The following CSMD1 variants were observed in gnomAD, a reference collection of about 807,000 sequenced individuals.
CSMD1 encodes the protein CUB and sushi domain-containing protein 1.
In CSMD1, 213 loss-of-function variants were observed where a neutral mutation model predicts 417.5. That is an observed-to-expected ratio of 0.51 (90% CI 0.46 to 0.57). The LOEUF is 0.57. CSMD1 is among the 20% of genes least tolerant of loss of function. The pLI, the probability that CSMD1 is intolerant of heterozygous loss-of-function variation, is 0.00. For synonymous variants in CSMD1, 2,862 were observed against 1,736.8 expected, an observed-to-expected ratio of 1.65 and a Z score of -16.11; for missense variants, 6,923 against 4,529.7, an observed-to-expected ratio of 1.53 and a Z score of -15.17.
intron 26 of CSMD1, among the ~76,000 whole-genome samples, chr8:3,247,223 C>T (rs1799938587): frequency 1.3e-5 from 2 of 152,142 alleles, no homozygotes; most frequent in Non-Finnish European, 2.9e-5. Context: ...TCATGCCTTC[C>T]TTGACAAATG....
intron 3 of CSMD1, among the ~76,000 whole-genome samples, chr8:4,088,543 C>G (rs532781900): frequency 2.6e-5 from 4 of 152,172 alleles, no homozygotes; most frequent in East Asian, 1.9e-4. Flanking sequence ...AAAACTAAAT[C>G]TCTCAAACCT....
intron 5 of CSMD1, among the ~76,000 whole-genome samples, chr8:3,957,204 C>G (rs561325196): frequency 2.0e-5 from 3 of 152,286 alleles, no homozygotes; most frequent in South Asian, 4.2e-4. Context: ...AAACATTTCT[C>G]AAAATGAGAA....
At chr8:3,875,717 G>C (rs1205728340) in intron 5 of CSMD1, among the ~76,000 whole-genome samples, 11 of 152,176 alleles carry the variant, frequency 7.2e-5, no homozygotes, top group South Asian at 2.1e-4. Flanking sequence ...ATCTTCTCGA[G>C]TGGATTGAGG....
At chr8:4,078,255 G>A (rs1397293349) in intron 3 of CSMD1, among the ~76,000 whole-genome samples, 1 of 150,306 alleles carries the variant, frequency 6.7e-6, no homozygotes, top group African/African-American at 2.4e-5. Context: ...TTACGTAATT[G>A]CACTATGCAT....
intron 57 of CSMD1, 41 bp from the exon 58 acceptor site, chr8:2,966,787 C>A (rs370639680): frequency 3.8e-6 from 6 of 1,593,888 alleles, no homozygotes; most frequent in African/African-American, 1.3e-5. Flanking sequence ...CAGTGAGTGA[C>A]CCAGCATGAA....
intron 67 of CSMD1, among the ~76,000 whole-genome samples, chr8:2,949,652 A>T (rs1003240404): frequency 2.1e-5 from 3 of 142,888 alleles, no homozygotes; most frequent in Admixed American, 7.3e-5. Context: ...CAATATATCC[A>T]TATGTTAACT....
chr8:3,524,123 A>T (rs1797647436), intron 10 of CSMD1, among the ~76,000 whole-genome samples: 1 of 145,742 alleles, frequency 6.9e-6, no homozygotes, highest in African/African-American at 2.7e-5. Flanking sequence ...ACATATGTGC[A>T]CATACATACA....
intron 1 of CSMD1, among the ~76,000 whole-genome samples, chr8:4,707,325 C>G (rs1808005507): frequency 6.6e-6 from 1 of 152,096 alleles, no homozygotes; most frequent in Non-Finnish European, 1.5e-5. Context: ...TTAATTTCTT[C>G]AAGATCACAA....
chr8:3,105,420 G>C (rs1816065837), intron 46 of CSMD1, among the ~76,000 whole-genome samples: 1 of 152,196 alleles, frequency 6.6e-6, no homozygotes, highest in Admixed American at 6.5e-5. Flanking sequence ...TTCTAATTAG[G>C]AAAGCTTTTG....
chr8:3,497,117 T>A (rs1398273893), intron 10 of CSMD1, among the ~76,000 whole-genome samples: 1 of 152,216 alleles, frequency 6.6e-6, no homozygotes, highest in Non-Finnish European at 1.5e-5. Context: ...ATGTGTATTA[T>A]GCAGCTGTTG....
At chr8:4,868,495 C>G (rs890619404) in intron 1 of CSMD1, among the ~76,000 whole-genome samples, 1 of 151,928 alleles carries the variant, frequency 6.6e-6, no homozygotes, top group Admixed American at 6.6e-5. Flanking sequence ...CTCGGTCTCC[C>G]AAAGTGCTAA....
At chr8:3,658,722 G>C (rs1211728732) in intron 7 of CSMD1, among the ~76,000 whole-genome samples, 2 of 152,108 alleles carry the variant, frequency 1.3e-5, no homozygotes, top group Non-Finnish European at 2.9e-5. Context: ...GGCTAAGGTT[G>C]CAGTGAGCCA....
At chr8:4,139,343 A>C (rs115622544) in intron 3 of CSMD1, among the ~76,000 whole-genome samples, 44,781 of 151,520 alleles carry the variant, frequency 0.3, 8,090 homozygotes, top group Non-Finnish European at 0.39. Context: ...ACGTAATGAA[A>C]ATTTTTTGAC....
At chr8:3,983,270 A>G (rs1158911822) in intron 5 of CSMD1, among the ~76,000 whole-genome samples, 11 of 151,830 alleles carry the variant, frequency 7.2e-5, no homozygotes, top group South Asian at 4.2e-4. Context: ...AGCTGGGACT[A>G]CAGGCGCCCA....
intron 1 of CSMD1, among the ~76,000 whole-genome samples, chr8:4,935,052 G>A (rs1005426269): frequency 2.0e-5 from 3 of 152,102 alleles, no homozygotes; most frequent in Non-Finnish European, 4.4e-5. Context: ...ACACACTTAT[G>A]CAGATAAACT....
chr8:3,328,351 C>G (rs969328667), intron 23 of CSMD1, among the ~76,000 whole-genome samples: 2 of 152,204 alleles, frequency 1.3e-5, no homozygotes, highest in African/African-American at 4.8e-5. Flanking sequence ...TGCTTCCTCT[C>G]TCAATATCAT....
chr8:4,029,547 T>A lies in CSMD1; in HGVS notation c.610+2358A>T, dbSNP rs1164579857. On this transcript the variant is annotated intron_variant, in intron 4 of 69. Coordinates refer to ENST00000635120, the MANE Select transcript of CSMD1 (RefSeq NM_033225.6). Reference sequence around the variant, plus strand: ...ACAGCGCAGGAAAGAACTGCCTCCATGGTTCAATTACCTCCCACTGGCTTC... The same window carrying A: ...ACAGCGCAGGAAAGAACTGCCTCCAAGGTTCAATTACCTCCCACTGGCTTC... 2.0e-5 allele frequency among the ~76,000 whole-genome samples: 3 copies of A among 152,126 alleles called. No homozygotes were observed. In the East Asian group the frequency reaches 5.8e-4, roughly 29 times the overall value.
intron 5 of CSMD1, among the ~76,000 whole-genome samples, chr8:3,976,952 C>A (rs549215811): frequency 3.7e-4 from 57 of 152,232 alleles, no homozygotes; most frequent in African/African-American, 1.3e-3. Flanking sequence ...TGTCACAGGG[C>A]ATAGTACACA....
rs186374564 is a variant in CSMD1 at position 4,355,443 on chromosome 8, A to T, written c.415+64510T>A. ...TCAGGTATCTTCTTTATGTGTTTGC[A>T]TGTAGGAAAGCATAAATAGCTCAAA... On this transcript the variant is annotated intron_variant, in intron 3 of 69. Coordinates refer to ENST00000635120, the MANE Select transcript of CSMD1 (RefSeq NM_033225.6). 8.5e-5 allele frequency among the ~76,000 whole-genome samples: 13 copies of T among 152,186 alleles called. No homozygotes were observed. The East Asian group carries it at 2.5e-3, about 29-fold the overall frequency.
Sources: gnomAD v4.1 joint callset for allele counts (sites outside exome capture counted in the v4.1 genomes callset) on GRCh38, gnomAD v4.1.1 for gene constraint, MANE v1.5 for transcripts, NCBI Gene and HGNC (gene_info 2026-07-23, HGNC 2026-07-21) for gene names.